Variants in FAF1 observed in about 807,000 individuals in gnomAD.
FAF1 encodes the protein FAS-associated factor 1.
A neutral mutation model predicts 92.5 loss-of-function variants in FAF1; 25 were observed. The ratio of observed to expected loss-of-function variants is 0.27; its 90% CI spans 0.20 to 0.38. The LOEUF is 0.38. Ranked by LOEUF, FAF1 falls within the 10% of genes least tolerant of loss-of-function variation. The pLI is 1.00. For synonymous variants in FAF1, 234 were observed against 273.2 expected (o/e 0.86, Z 1.42); for missense variants, 636 against 793.3 (o/e 0.80, Z 2.38).
chr1:50,698,738 A>G (rs986452933), intron 7 of FAF1, among the ~76,000 whole-genome samples: 64 of 152,070 alleles, frequency 4.2e-4, no homozygotes, highest in African/African-American at 9.7e-5. Flanking sequence ...TCCTCACCCT[A>G]TAACTTACAT....
intron 2 of FAF1, among the ~76,000 whole-genome samples, chr1:50,816,274 G>A (rs1190336556): frequency 3.5e-5 from 5 of 142,686 alleles, no homozygotes; most frequent in African/African-American, 1.1e-4. Context: ...GCGCGATCTC[G>A]GCTCACTGCA....
intron 17 of FAF1, among the ~76,000 whole-genome samples, chr1:50,484,044 T>C (rs1646732722): frequency 1.3e-5 from 2 of 152,162 alleles, no homozygotes; most frequent in Non-Finnish European, 2.9e-5. Flanking sequence ...AATATAAATC[T>C]GGGAGTCAAA....
At chr1:50,706,293 A>C (rs1389586663) in intron 6 of FAF1, among the ~76,000 whole-genome samples, 2 of 152,172 alleles carry the variant, frequency 1.3e-5, no homozygotes, top group Non-Finnish European at 2.9e-5. Context: ...GAATAACAGA[A>C]GTATGAAACT....
chr1:50,955,038 G>A (rs1645254730), intron 1 of FAF1, among the ~76,000 whole-genome samples: 1 of 152,276 alleles, frequency 6.6e-6, no homozygotes. Context: ...GAAGACTCTA[G>A]ACCAAAAGAA....
At chr1:50,666,717 T>C (rs1329109074) in intron 7 of FAF1, among the ~76,000 whole-genome samples, 1 of 152,102 alleles carries the variant, frequency 6.6e-6, no homozygotes, top group African/African-American at 2.4e-5. Flanking sequence ...ACTCCATCTC[T>C]ACTAAAAATA....
At chr1:50,650,456 C>G (rs892997302) in intron 8 of FAF1, among the ~76,000 whole-genome samples, 1 of 151,100 alleles carries the variant, frequency 6.6e-6, no homozygotes, top group Non-Finnish European at 1.5e-5. Flanking sequence ...CCTGTCTCTA[C>G]TAAAAATACA....
In FAF1 at chr1:50,886,053, AGTT is replaced by A. The variant is rs1644660561; in HGVS notation, c.46-28059_46-28057del. Among the ~76,000 whole-genome samples, 7 of 152,134 alleles carry A rather than the reference AGTT, an allele frequency of 4.6e-5. No individual in the cohort carries two copies. In the South Asian group the frequency reaches 8.3e-4, roughly 18 times the overall value. ...TTCCTGTACTGTCTATGTTTTGAAA[AGTT>A]GTTGTAGTTATTTTTGATCAGTTCA... On this transcript the variant is annotated intron_variant, in intron 1 of 18. Transcript: ENST00000396153.
intron 7 of FAF1, among the ~76,000 whole-genome samples, chr1:50,702,356 A>AAAT (rs1186834663): frequency 6.6e-6 from 1 of 152,100 alleles, no homozygotes; most frequent in East Asian, 1.9e-4. Flanking sequence ...AAATTCATTA[A>AAAT]AATAAGGTAA....
chr1:50,720,767 T>C (rs1039856272), intron 6 of FAF1, among the ~76,000 whole-genome samples: 2 of 152,198 alleles, frequency 1.3e-5, no homozygotes, highest in African/African-American at 4.8e-5. Context: ...CCCAGACAGA[T>C]GATCACCTCT....
chr1:50,700,506 A>G (rs966135370), intron 7 of FAF1, among the ~76,000 whole-genome samples: 1 of 152,080 alleles, frequency 6.6e-6, no homozygotes, highest in African/African-American at 2.4e-5. Flanking sequence ...CACTATTACA[A>G]CCTGTCAAGT....
At chr1:50,646,815 G>A (rs1654611190) in intron 8 of FAF1, among the ~76,000 whole-genome samples, 1 of 152,136 alleles carries the variant, frequency 6.6e-6, no homozygotes, top group Admixed American at 6.6e-5. Context: ...AGTTGTTAAA[G>A]CGAACTAAAT....
At chr1:50,526,453 AT>A (rs1647811842) in intron 15 of FAF1, among the ~76,000 whole-genome samples, 1 of 151,492 alleles carries the variant, frequency 6.6e-6, no homozygotes, top group African/African-American at 2.4e-5. Context: ...AATAATATTT[AT>A]TATTTTTAAA....
chr1:50,941,766 A>G (rs1012710732), intron 1 of FAF1, among the ~76,000 whole-genome samples: 1 of 152,236 alleles, frequency 6.6e-6, no homozygotes, highest in African/African-American at 2.4e-5. Context: ...ATGTTCCCTC[A>G]TTGGAGGGAA....
intron 2 of FAF1, among the ~76,000 whole-genome samples, chr1:50,854,930 T>TG (rs1246902177): frequency 6.6e-6 from 1 of 151,774 alleles, no homozygotes; most frequent in Non-Finnish European, 1.5e-5. Context: ...TTTTGGATGA[T>TG]GTTTGAAAGG....
chr1:50,662,854 G>C lies in FAF1; in HGVS notation c.658-7326C>G, dbSNP rs1333895966. Among the ~76,000 whole-genome samples, 9 of 150,980 alleles carry C rather than the reference G, an allele frequency of 6.0e-5. 1 individual carries two copies. Among genetic ancestry groups the C allele is most frequent in the African/African-American group, 2.2e-4 (9 of 40,750 alleles). ...TAGCTGGGACTGCAGGCACCCACTA[G>C]CGCGCCCGGCTAATTTTTTGTATTT... On this transcript the variant is annotated intron_variant, in intron 7 of 18. Coordinates refer to ENST00000396153, the MANE Select transcript of FAF1 (RefSeq NM_007051.3).
chr1:50,841,180 CAT>C (rs1389159026), intron 2 of FAF1, among the ~76,000 whole-genome samples: 2 of 152,010 alleles, frequency 1.3e-5, no homozygotes, highest in Non-Finnish European at 2.9e-5. Context: ...AACAACAGCA[CAT>C]GATAACGAAT....
rs183354284 is a variant in FAF1, at chr1:50,873,013, T to C, written c.46-15016A>G. On this transcript the variant is annotated intron_variant, in intron 1 of 18. Coordinates refer to ENST00000396153, the MANE Select transcript of FAF1 (RefSeq NM_007051.3). ...TTGTTGTCTTATTTTAAGAAATTGC[T>C]AGAGCCACCCCAACTTTCAGCAACC... Among the ~76,000 whole-genome samples the C allele has an allele frequency of 3.8e-4, 58 of 152,314 alleles. 1 individual carries two copies. In the East Asian group the frequency reaches 8.7e-3, roughly 23 times the overall value.
chr1:50,826,511 C>T (rs1644099682), intron 2 of FAF1, among the ~76,000 whole-genome samples: 1 of 150,666 alleles, frequency 6.6e-6, no homozygotes, highest in Non-Finnish European at 1.5e-5. Context: ...GATCGTGCCA[C>T]TGCACTGGAG....
At chr1:50,744,412 A>G (rs546354306) in intron 5 of FAF1, among the ~76,000 whole-genome samples, 1 of 152,334 alleles carries the variant, frequency 6.6e-6, no homozygotes, top group East Asian at 1.9e-4. Flanking sequence ...AGCCTCTCAA[A>G]AAAAGGGCCA....
Sources: allele counts gnomAD v4.1 joint callset (sites outside exome capture counted in the v4.1 genomes callset), GRCh38; gene constraint gnomAD v4.1.1; transcripts MANE v1.5; gene names NCBI Gene and HGNC (gene_info 2026-07-23, HGNC 2026-07-21).